TANGO6: variants seen among roughly 807,000 people sequenced by gnomAD.
The protein encoded by TANGO6 is transport and golgi organization 6 homolog.
Under a neutral mutation model 114.2 loss-of-function variants are expected in TANGO6, and 90 were observed. That is an observed-to-expected ratio of 0.79 (90% confidence interval 0.66 to 0.94). TANGO6 has a LOEUF of 0.94. Ranked by LOEUF, TANGO6 falls within the 40% of genes least tolerant of loss-of-function variation. The pLI is 0.00. For synonymous variants in TANGO6, 477 were observed against 509.8 expected, an observed-to-expected ratio of 0.94 and a Z score of 0.87; for missense variants, 1,274 against 1,315.3, an observed-to-expected ratio of 0.97 and a Z score of 0.49.
At chr16:68,932,676 G>T (rs1325800350) in intron 14 of TANGO6, among the ~76,000 whole-genome samples, 1 of 151,956 alleles carries the variant, frequency 6.6e-6, no homozygotes, top group Admixed American at 6.6e-5. Context: ...TGTAATCCCG[G>T]CTACTTGGGA....
chr16:69,069,159 AG>A (rs770642221), intron 17 of TANGO6, among the ~76,000 whole-genome samples: 1 of 152,162 alleles, frequency 6.6e-6, no homozygotes, highest in Admixed American at 6.6e-5. Flanking sequence ...TGGGAGCTCT[AG>A]GGTCCACTTC....
intron 7 of TANGO6, among the ~76,000 whole-genome samples, chr16:68,888,511 A>C (rs1962568270): frequency 6.6e-6 from 1 of 152,356 alleles, no homozygotes; most frequent in African/African-American, 2.4e-5. Context: ...TCTTCCTAAA[A>C]GCAGAAGAAA....
chr16:68,918,677 A>T (rs1290697789), intron 11 of TANGO6, among the ~76,000 whole-genome samples: 1 of 152,230 alleles, frequency 6.6e-6, no homozygotes, highest in Non-Finnish European at 1.5e-5. Flanking sequence ...AAAGTCTCAG[A>T]TTCTTCATTT....
chr16:69,068,462 G>A (rs1186629903), intron 17 of TANGO6, among the ~76,000 whole-genome samples: 1 of 152,130 alleles, frequency 6.6e-6, no homozygotes, highest in African/African-American at 2.4e-5. Context: ...TGTGTTGTGG[G>A]GATTGAGTTA....
chr16:68,875,147 G>T lies in TANGO6; in HGVS notation c.995-7G>T. 6.2e-7 allele frequency: 1 copy of T among 1,610,856 alleles called. No individual in the cohort carries two copies. Among genetic ancestry groups the T allele is most frequent in the Non-Finnish European group, 8.5e-7 (1 of 1,177,694 alleles). ...TGAGCTGCTAACATCTCTCTCCATT[G>T]TGCCAGCGGGAGCAGCTGGTGGAAG... is the stretch of plus-strand genomic sequence containing the variant. On this transcript the variant is annotated splice_region_variant and splice_polypyrimidine_tract_variant and intron_variant, in intron 4 of 17. Coordinates refer to ENST00000261778, the MANE Select transcript of TANGO6 (RefSeq NM_024562.2).
chr16:68,860,155 C>T lies in TANGO6; in HGVS notation c.366C>T (p.Asn122=), dbSNP rs1409690515. ...LAANFNPGKP[N]PRTPEVAPAL... is the part of the protein sequence containing the mutation. ...CTAATTTCAATCCAGGTAAACCCAA[C>T]CCTAGGACTCCGGAAGTTGCTCCTG... Residue 122 remains asparagine, a synonymous_variant, in exon 2 of 18, where the codon AAC becomes AAT. Coordinates refer to ENST00000261778, the MANE Select transcript of TANGO6 (RefSeq NM_024562.2). 6.2e-7 allele frequency: 1 copy of T among 1,613,892 alleles called. No homozygotes were observed. The highest frequency in any genetic ancestry group is 1.3e-5 in the African/African-American group (1 of 74,928).
intron 1 of TANGO6, among the ~76,000 whole-genome samples, chr16:68,857,749 T>C (rs1212819614): frequency 2.6e-5 from 4 of 152,220 alleles, no homozygotes; most frequent in Non-Finnish European, 5.9e-5. Flanking sequence ...GTTGTTTTAA[T>C]TTGCATTTCC....
intron 17 of TANGO6, among the ~76,000 whole-genome samples, chr16:69,045,026 G>A (rs1045135342): frequency 6.6e-6 from 1 of 151,844 alleles, no homozygotes; most frequent in Non-Finnish European, 1.5e-5. Flanking sequence ...GGTGGATTTG[G>A]TGGCACACTT....
intron 17 of TANGO6, among the ~76,000 whole-genome samples, chr16:69,046,063 CA>C (rs61017260): frequency 0.16 from 15,224 of 95,736 alleles, 593 homozygotes; most frequent in Non-Finnish European, 0.17. Flanking sequence ...GACTCCAACT[CA>C]AAAAAAAAAA....
At chr16:69,074,110 G>C (rs1427084052) in intron 17 of TANGO6, among the ~76,000 whole-genome samples, 2 of 152,138 alleles carry the variant, frequency 1.3e-5, no homozygotes, top group Non-Finnish European at 2.9e-5. Flanking sequence ...TTTGCTCACA[G>C]GACTCAGGTG....
At chr16:69,009,115 C>G (rs1964122725) in intron 15 of TANGO6, among the ~76,000 whole-genome samples, 1 of 106,894 alleles carries the variant, frequency 9.4e-6, no homozygotes, top group South Asian at 3.4e-4. Flanking sequence ...GAGTCTTGCT[C>G]TGTATGCCCA....
In TANGO6 at chr16:68,927,983, A is replaced by T. The variant is rs765912779; in HGVS notation, c.2543A>T (p.Asp848Val). The T allele has an allele frequency of 5.0e-6, 8 of 1,613,200 alleles. No individual in the cohort carries two copies. In the Middle Eastern group the frequency reaches 5.0e-4, roughly 100 times the overall value. ...CAAGAGGTTCTTTTGTCAGCTTATG[A>T]CCCTCAAATTCCAACACGGGCTGCT... ...QLQEVLLSAYDPQIPTRAAAL... is the reference protein window; with the variant it reads ...QLQEVLLSAYVPQIPTRAAAL... The change falls in exon 13 of 18, where the codon GAC becomes GTC. Residue 848 changes from aspartate to valine, a missense_variant. Asp to Val is a radical substitution (Grantham distance 152). This residue lies in a region of TANGO6 where 908 missense variants were observed against 910.2 expected (regional missense o/e 1.00). Transcript: ENST00000261778.
At chr16:68,972,808 G>A (rs1461732267) in intron 14 of TANGO6, among the ~76,000 whole-genome samples, 10 of 152,200 alleles carry the variant, frequency 6.6e-5, no homozygotes, top group Non-Finnish European at 5.9e-5. Context: ...GGAGGGTGCC[G>A]TTTTATATGT....
At chr16:68,977,420 G>A (rs185270551) in intron 15 of TANGO6, among the ~76,000 whole-genome samples, 36 of 151,026 alleles carry the variant, frequency 2.4e-4, no homozygotes, top group African/African-American at 5.1e-4. Flanking sequence ...TTAGCCAGGC[G>A]TGGTGGCTCA....
chr16:68,894,048 G>A (rs1173562886), intron 7 of TANGO6, among the ~76,000 whole-genome samples: 2 of 152,184 alleles, frequency 1.3e-5, no homozygotes, highest in East Asian at 3.9e-4. Context: ...GTCCAATGTG[G>A]AGGAGGCTGG....
intron 10 of TANGO6, 125 bp downstream of exon 10, chr16:68,907,700 A>G: frequency 8.5e-7 from 1 of 1,173,854 alleles, no homozygotes; most frequent in East Asian, 2.7e-5. Flanking sequence ...GAAAATGGTC[A>G]GAGGACATAA....
At chr16:68,935,935 T>A (rs1963295096) in intron 14 of TANGO6, among the ~76,000 whole-genome samples, 1 of 152,082 alleles carries the variant, frequency 6.6e-6, no homozygotes, top group Admixed American at 6.6e-5. Context: ...AATCCCAACA[T>A]TTTGGGAGGC....
intron 16 of TANGO6, among the ~76,000 whole-genome samples, chr16:69,023,994 G>A (rs565570256): frequency 2.0e-5 from 3 of 151,882 alleles, no homozygotes; most frequent in East Asian, 3.9e-4. Context: ...TGCAACCTCC[G>A]CCTCCTGGGT....
chr16:68,948,947 G>A (rs1201440067), intron 14 of TANGO6, among the ~76,000 whole-genome samples: 1 of 152,218 alleles, frequency 6.6e-6, no homozygotes, highest in Non-Finnish European at 1.5e-5. Context: ...AGCACTTTGG[G>A]AGGCCAAGGT....
Sources: gnomAD v4.1 joint callset for allele counts (sites outside exome capture counted in the v4.1 genomes callset) on GRCh38, gnomAD v4.1.1 for gene constraint, gnomAD v4.1.1 regional missense constraint, MANE v1.5 for transcripts, NCBI Gene and HGNC (gene_info 2026-07-23, HGNC 2026-07-21) for gene names.